The following ZNRF2 variants were observed in gnomAD, a reference collection of about 807,000 sequenced individuals.
ZNRF2 encodes zinc and ring finger 2.
In ZNRF2, 16 loss-of-function variants were observed where a neutral mutation model predicts 20.4. The observed-to-expected ratio is 0.79, with a 90% CI of 0.53 to 1.19. The LOEUF (loss-of-function observed/expected upper bound fraction) is 1.19. ZNRF2 is among the 50% of genes most tolerant of loss of function. The pLI is 0.00. For missense variants in ZNRF2, 363 were observed against 332.4 expected, an observed-to-expected ratio of 1.09 and a Z score of -0.72; for synonymous variants, 178 against 144.9, an observed-to-expected ratio of 1.23 and a Z score of -1.64.
intron 3 of ZNRF2, among the ~76,000 whole-genome samples, chr7:30,360,838 A>G (rs1407571425): frequency 6.6e-6 from 1 of 152,230 alleles, no homozygotes; most frequent in Non-Finnish European, 1.5e-5. Context: ...AAGCAGTACT[A>G]TATGTTGTTT....
intron 3 of ZNRF2, among the ~76,000 whole-genome samples, chr7:30,356,278 T>G (rs1308980984): frequency 2.2e-5 from 3 of 135,932 alleles, no homozygotes; most frequent in Non-Finnish European, 3.3e-5. Context: ...AGGAAAAATT[T>G]GGGGTTAAAA....
intron 2 of ZNRF2, among the ~76,000 whole-genome samples, chr7:30,336,094 TAAAG>T (rs942442782): frequency 1.8e-4 from 28 of 152,316 alleles, no homozygotes; most frequent in African/African-American, 6.5e-4. Flanking sequence ...ATGATTTTTC[TAAAG>T]AAAGGAGTAA....
At chr7:30,317,401 T>C (rs1179367982) in intron 1 of ZNRF2, among the ~76,000 whole-genome samples, 1 of 152,154 alleles carries the variant, frequency 6.6e-6, no homozygotes, top group Non-Finnish European at 1.5e-5. Flanking sequence ...ACATTTTGCT[T>C]TTGAGTTCTC....
intron 1 of ZNRF2, among the ~76,000 whole-genome samples, chr7:30,307,139 C>T (rs181919461): frequency 6.6e-6 from 1 of 151,908 alleles, no homozygotes; most frequent in Admixed American, 6.6e-5. Context: ...AGACTTCAGA[C>T]GGTCTCTGTG....
chr7:30,295,676 C>T (rs1799008363), intron 1 of ZNRF2, among the ~76,000 whole-genome samples: 2 of 152,212 alleles, frequency 1.3e-5, no homozygotes. Context: ...CACCACTGCA[C>T]TCCAGCCTGG....
At chr7:30,332,599 A>G (rs1404992369) in intron 2 of ZNRF2, among the ~76,000 whole-genome samples, 1 of 152,138 alleles carries the variant, frequency 6.6e-6, no homozygotes, top group Non-Finnish European at 1.5e-5. Context: ...TGTTTAGCTC[A>G]CATTTATAAG....
At chr7:30,302,350 CTTTG>C (rs916665789) in intron 1 of ZNRF2, among the ~76,000 whole-genome samples, 4 of 151,996 alleles carry the variant, frequency 2.6e-5, no homozygotes, top group Admixed American at 2.6e-4. Flanking sequence ...TCTTATTTTT[CTTTG>C]TTTACTTATT....
chr7:30,313,912 A>AT (rs1372166298), intron 1 of ZNRF2, among the ~76,000 whole-genome samples: 1 of 152,186 alleles, frequency 6.6e-6, no homozygotes, highest in African/African-American at 2.4e-5. Flanking sequence ...TAAACCACTG[A>AT]TCCCTAGGTC....
intron 1 of ZNRF2, among the ~76,000 whole-genome samples, chr7:30,318,035 TAGTC>T (rs1047310402): frequency 6.6e-6 from 1 of 152,218 alleles, no homozygotes; most frequent in African/African-American, 2.4e-5. Context: ...GGAAATAAAT[TAGTC>T]AGATTACCTA....
chr7:30,291,254 T>C (rs1798904944), intron 1 of ZNRF2, among the ~76,000 whole-genome samples: 2 of 152,186 alleles, frequency 1.3e-5, no homozygotes, highest in South Asian at 4.1e-4. Context: ...TGGAGCCAGT[T>C]GAAAGATTTT....
At chr7:30,299,900 C>G (rs1799082733) in intron 1 of ZNRF2, among the ~76,000 whole-genome samples, 1 of 151,620 alleles carries the variant, frequency 6.6e-6, no homozygotes, top group African/African-American at 2.4e-5. Context: ...CTGCCTCAGC[C>G]TCCCAAGTAG....
chr7:30,318,824 T>C (rs1423369851), intron 1 of ZNRF2, among the ~76,000 whole-genome samples: 2 of 152,274 alleles, frequency 1.3e-5, no homozygotes, highest in South Asian at 4.1e-4. Flanking sequence ...AGAATGTCAT[T>C]ATAGAGGCTG....
chr7:30,327,753 A>G (rs558463323), intron 2 of ZNRF2, among the ~76,000 whole-genome samples: 5 of 152,016 alleles, frequency 3.3e-5, no homozygotes, highest in East Asian at 1.9e-4. Context: ...CTCAGTGGCT[A>G]TCTATAGGCA....
At chr7:30,348,272 T>G (rs1417379027) in intron 2 of ZNRF2, among the ~76,000 whole-genome samples, 1 of 152,186 alleles carries the variant, frequency 6.6e-6, no homozygotes, top group Admixed American at 6.5e-5. Context: ...CCCATTGCTT[T>G]GGGGCATTTT....
intron 1 of ZNRF2, among the ~76,000 whole-genome samples, chr7:30,301,699 T>TA (rs769025634): frequency 0.16 from 19,461 of 124,762 alleles, 1,407 homozygotes; most frequent in Non-Finnish European, 0.2. Context: ...GAGGCTTTTT[T>TA]TAAAAAAAAA....
At chr7:30,355,680 A>G (rs1469071420) in intron 2 of ZNRF2, 48 bp from the exon 3 acceptor site, 1 of 1,492,404 alleles carries the variant, frequency 6.7e-7, no homozygotes, top group South Asian at 1.2e-5. Flanking sequence ...TCTTTTTTCA[A>G]TTTGATGGAT....
chr7:30,349,716 A>G (rs1412983604), intron 2 of ZNRF2, among the ~76,000 whole-genome samples: 1 of 152,138 alleles, frequency 6.6e-6, no homozygotes, highest in Non-Finnish European at 1.5e-5. Flanking sequence ...AAAATCAGAT[A>G]AAGATATTAG....
intron 1 of ZNRF2, among the ~76,000 whole-genome samples, chr7:30,288,453 TC>T (rs919972885): frequency 6.6e-5 from 10 of 152,202 alleles, no homozygotes; most frequent in South Asian, 4.2e-4. Flanking sequence ...TGAAAAACAG[TC>T]CCCCCCTTTT....
intron 2 of ZNRF2, among the ~76,000 whole-genome samples, chr7:30,345,359 C>T (rs1024574144): frequency 6.6e-6 from 1 of 151,906 alleles, no homozygotes; most frequent in Non-Finnish European, 1.5e-5. Context: ...GTTTCATCCT[C>T]ATTTGTGATC....
Sources: allele counts gnomAD v4.1 joint callset (sites outside exome capture counted in the v4.1 genomes callset), GRCh38; gene constraint gnomAD v4.1.1; transcripts MANE v1.5; gene names NCBI Gene and HGNC (gene_info 2026-07-23, HGNC 2026-07-21).